Variants in EMG1 observed in about 807,000 individuals in gnomAD.
EMG1 encodes EMG1 N1-specific pseudouridine methyltransferase.
Under a neutral mutation model 26.9 loss-of-function variants are expected in EMG1, and 24 were observed. That is an observed-to-expected ratio of 0.89 (90% CI 0.65 to 1.26). EMG1 has a LOEUF of 1.26. Among genes scored for constraint, EMG1 ranks in the 50% most tolerant of loss-of-function variants. EMG1 has a pLI of 0.00. For missense variants in EMG1, 299 were observed against 307.6 expected, an observed-to-expected ratio of 0.97 and a Z score of 0.21; for synonymous variants, 140 against 112.6, an observed-to-expected ratio of 1.24 and a Z score of -1.54.
rs1230164348 is a variant in EMG1, at chr12:6,975,414, AG to A, written c.621+37del. The A allele has an allele frequency of 1.0e-5, 16 of 1,551,662 alleles. No homozygotes were observed. In the Admixed American group the frequency reaches 2.7e-4, roughly 26 times the overall value. ...GGCTCAACCCTGAAATTCTTGGTAG[AG>A]CTGAACTTAGTATAGAATTCCCAGA... On this transcript the variant is annotated intron_variant, in intron 5 of 5. Transcript: ENST00000599672.
rs1555153395 is a variant in EMG1 at position 6,977,381 on chromosome 12, C to T, written c.*1572C>T. The T allele has an allele frequency of 3.1e-6, 5 of 1,614,148 alleles. No homozygotes were observed. The highest frequency in any genetic ancestry group is 4.2e-6 in the Non-Finnish European group (5 of 1,180,038). On this transcript the variant is annotated 3_prime_UTR_variant, in exon 6 of 6. Transcript: ENST00000599672. The surrounding 1 kb of genome is among the most constrained non-coding windows in gnomAD (Gnocchi z 4.5). ...CCTTCACTTGCCTTAAGCCATTTGTCCCACGTGAAGAGGCAGAAGGCAGTC... is the reference window on the plus strand; with the variant it reads ...CCTTCACTTGCCTTAAGCCATTTGTTCCACGTGAAGAGGCAGAAGGCAGTC...
At chr12:6,996,296 G>A (rs2138348504) in intron 7 of EMG1, among the ~76,000 whole-genome samples, 1 of 152,268 alleles carries the variant, frequency 6.6e-6, no homozygotes, top group Non-Finnish European at 1.5e-5. Context: ...CAGGTCCTTT[G>A]TAAAATGTCA....
downstream of EMG1, chr12:6,980,760 C>T: frequency 2.9e-6 from 1 of 348,042 alleles, no homozygotes; most frequent in Non-Finnish European, 5.1e-6. Flanking sequence ...GTGACTGGTT[C>T]AGGCAAAATC....
chr12:6,995,023 T>C lies in EMG1; in HGVS notation c.*212-2202T>C, dbSNP rs118159162. On this transcript the variant is annotated intron_variant and NMD_transcript_variant, in intron 7 of 7. Transcript: ENST00000607161. ...ACTTCTTTTTCAGTTCCACATTTCC[T>C]ACTTCCTTGCTGGACAGTTTTAATT... 5.9e-5 allele frequency among the ~76,000 whole-genome samples: 9 copies of C among 152,332 alleles called. No individual in the cohort carries two copies. In the East Asian group the frequency reaches 1.7e-3, roughly 29 times the overall value.
At chr12:6,989,581 AGTCACCGTGCCCGG>A (rs1946568470), downstream of EMG1, among the ~76,000 whole-genome samples, 1 of 152,060 alleles carries the variant, frequency 6.6e-6, no homozygotes, top group African/African-American at 2.4e-5. Context: ...TACAAGCGTG[AGTCACCGTGCCCGG>A]CCAATGCTGT....
chr12:6,974,426 G>C lies in EMG1; in HGVS notation c.256G>C (p.Asp86His). Residue 86 changes from aspartate (D) to histidine (H), a missense_variant, in exon 2 of 6, where the codon GAT (aspartate) becomes CAT (histidine). Asp to His is a moderately conservative substitution (Grantham distance 81, BLOSUM62 -1). Coordinates refer to ENST00000599672, the MANE Select transcript of EMG1 (RefSeq NM_006331.8). ...NGRDPGEARP[D>H]ITHQSLLMLM... is the part of the protein sequence containing the mutation. ...ACGGGACCCTGGGGAAGCGCGGCCA[G>C]ATATCACCCACCAGGTAACTCCAGG... The C allele has an allele frequency of 6.2e-7, 1 of 1,613,674 alleles. No homozygotes were observed. Among genetic ancestry groups the C allele is most frequent in the Non-Finnish European group, 8.5e-7 (1 of 1,179,662 alleles).
Position 6,978,498 on chromosome 12 carries a change from A to G in EMG1, c.*2689A>G. ...TTGAAGCCCAGGCCCGTCAAAATGCATACTCCTTCCTGAGAGGGAATAGCT... is the reference window on the plus strand; with the variant it reads ...TTGAAGCCCAGGCCCGTCAAAATGCGTACTCCTTCCTGAGAGGGAATAGCT... On this transcript the variant is annotated 3_prime_UTR_variant, in exon 6 of 6. Coordinates refer to ENST00000599672, the MANE Select transcript of EMG1 (RefSeq NM_006331.8). 1 of 1,613,104 alleles carries G rather than the reference A, an allele frequency of 6.2e-7. No individual in the cohort carries two copies. Among genetic ancestry groups the G allele is most frequent in the Non-Finnish European group, 8.5e-7 (1 of 1,179,194 alleles).
chr12:6,975,363 CT>C lies in EMG1; in HGVS notation c.609del (p.Phe203LeufsTer55). On this transcript the variant is annotated frameshift_variant, in exon 5 of 6. Coordinates refer to ENST00000599672, the MANE Select transcript of EMG1 (RefSeq NM_006331.8). LOFTEE classifies it high-confidence loss of function. ...SDPIVFVVGA[F>X]AHGKVSVEYT... ...ATCCTATTGTTTTTGTGGTAGGGGCCTTTGCCCATGGCAAGGTAAGGTCTGG... is the reference window on the plus strand; with the variant it reads ...ATCCTATTGTTTTTGTGGTAGGGGCCTTGCCCATGGCAAGGTAAGGTCTGG... The C allele has an allele frequency of 6.2e-7, 1 of 1,601,244 alleles. No homozygotes were observed.
intron 1 of EMG1, among the ~76,000 whole-genome samples, chr12:6,972,259 C>T (rs1420199720): frequency 6.6e-6 from 1 of 152,108 alleles, no homozygotes; most frequent in Non-Finnish European, 1.5e-5. Flanking sequence ...TTATATCCTA[C>T]TAATGGGTTG....
In EMG1 at chr12:6,971,146, GAATGAGGGT is replaced by G; in HGVS notation, c.168+58_168+66del. On this transcript the variant is annotated intron_variant, in intron 1 of 5. Transcript: ENST00000599672. ...TAAATCGATAGGTTGGGACTCCGTG[GAATGAGGGT>G]AAGGGGCCCAGAGTGGATGTAGAAA... The G allele has an allele frequency of 5.5e-6, 8 of 1,465,376 alleles. No homozygotes were observed. The South Asian group carries it at 9.6e-5, about 18-fold the overall frequency. The allele number at this position is 1,465,376 out of a possible 1,614,324, so 90.8% of individuals were successfully genotyped here.
intron 1 of EMG1, among the ~76,000 whole-genome samples, chr12:6,972,965 G>C (rs782780131): frequency 1.3e-5 from 2 of 151,530 alleles, no homozygotes; most frequent in South Asian, 4.2e-4. Context: ...ATCCTCCTGA[G>C]TAACTGGGAC....
At chr12:6,980,267 T>C (rs1022207019), downstream of EMG1, among the ~76,000 whole-genome samples, 3 of 152,104 alleles carry the variant, frequency 2.0e-5, no homozygotes, top group African/African-American at 7.2e-5. Flanking sequence ...GGTCTTGAAC[T>C]CCTGGCCTCC....
At position 6,975,818 on chromosome 12, in the gene EMG1, G is replaced by A. The variant is rs1394569979; in HGVS notation, c.*9G>A. 2 of 1,522,040 alleles carry A rather than the reference G, an allele frequency of 1.3e-6. No homozygotes were observed. The highest frequency in any genetic ancestry group is 1.8e-6 in the Non-Finnish European group (2 of 1,096,206). The allele number at this position is 1,522,040 out of a possible 1,614,324, so 94.3% of individuals were successfully genotyped here. A position where few individuals can be genotyped will look rare whatever the true frequency, so the allele number is the denominator to read the frequency against. ...TATGGGGGGTCATTTGACAGTAGTA[G>A]AACCTGTTCTGAAACCAGAAACTGT... On this transcript the variant is annotated 3_prime_UTR_variant, in exon 6 of 6. Coordinates refer to ENST00000599672, the MANE Select transcript of EMG1 (RefSeq NM_006331.8).
chr12:6,974,662 C>G lies in EMG1; in HGVS notation c.381C>G (p.Pro127=). 1 of 1,613,986 alleles carries G rather than the reference C, an allele frequency of 6.2e-7. No individual in the cohort carries two copies. Among genetic ancestry groups the G allele is most frequent in the Non-Finnish European group, 8.5e-7 (1 of 1,179,882 alleles). ...AAGTGAATCCCCAGACCCGAATTCC[C>G]AGAACCTTTGACCGCTTTTGTGGCC... is the stretch of plus-strand genomic sequence containing the variant. ...LIEVNPQTRI[P]RTFDRFCGLM... The change falls in exon 3 of 6, where the codon CCC becomes CCG. Residue 127 remains proline, a synonymous_variant. Coordinates refer to ENST00000599672, the MANE Select transcript of EMG1 (RefSeq NM_006331.8).
intron 1 of EMG1, among the ~76,000 whole-genome samples, chr12:6,972,071 T>C (rs1946337454): frequency 6.7e-6 from 1 of 148,706 alleles, no homozygotes; most frequent in Non-Finnish European, 1.5e-5. Context: ...ATACACTTTT[T>C]TTTTTTTTTT....
In EMG1 at chr12:6,987,735, C is replaced by T. The variant is rs1946542763; in HGVS notation, c.*155-47C>T. 2 of 400,504 alleles carry T rather than the reference C, an allele frequency of 5.0e-6. No individual in the cohort carries two copies. Among genetic ancestry groups the T allele is most frequent in the East Asian group, 3.6e-5 (1 of 28,072 alleles). The allele number at this position is 400,504 out of a possible 1,614,324, so 24.8% of individuals were successfully genotyped here. A position where few individuals can be genotyped will look rare whatever the true frequency, so the allele number is the denominator to read the frequency against. ...ATGCTCGAAATTAAAAAACACCACA[C>T]ATATTACTCTGCCTCTTTAAGTTGA... On this transcript the variant is annotated intron_variant and NMD_transcript_variant, in intron 6 of 7. Transcript: ENST00000261406. This position sits in a 1 kb window ranked among gnomAD's most constrained non-coding sequence, Gnocchi z 4.1.
rs782269664 is a variant in EMG1 at position 6,979,625 on chromosome 12, A to T, written c.*3816A>T. On this transcript the variant is annotated 3_prime_UTR_variant, in exon 6 of 6. Coordinates refer to ENST00000599672, the MANE Select transcript of EMG1 (RefSeq NM_006331.8). ...TTCCTGGTCACAGAGAGCAGAGACT[A>T]TTCCCTTCACCCTCTGACCTTCAGT... is the stretch of plus-strand genomic sequence containing the variant. 7.5e-7 allele frequency: 1 copy of T among 1,331,772 alleles called. No individual in the cohort carries two copies. Among genetic ancestry groups the T allele is most frequent in the Non-Finnish European group, 1.1e-6 (1 of 923,938 alleles). 82.5% of individuals were successfully genotyped at this position (1,331,772 alleles called of 1,614,324 possible).
Position 6,979,756 on chromosome 12 carries a change from A to G in EMG1, c.*3947A>G. ...CAGGGAAAGATTTCTATGGCTGGCT[A>G]TGAGGAATGGGGACTGCAAACCTCT... On this transcript the variant is annotated 3_prime_UTR_variant, in exon 6 of 6. Coordinates refer to ENST00000599672, the MANE Select transcript of EMG1 (RefSeq NM_006331.8). The G allele has an allele frequency of 1.6e-6, 1 of 610,950 alleles. No individual in the cohort carries two copies. Among genetic ancestry groups the G allele is most frequent in the African/African-American group, 1.8e-5 (1 of 54,304 alleles). The allele number at this position is 610,950 out of a possible 1,614,324, so 37.8% of individuals were successfully genotyped here.
Position 6,975,683 on chromosome 12 carries a change from G to A in EMG1, c.622-13G>A. 1 of 1,565,572 alleles carries A rather than the reference G, an allele frequency of 6.4e-7. No homozygotes were observed. Among genetic ancestry groups the A allele is most frequent in the South Asian group, 1.1e-5 (1 of 90,122 alleles). On this transcript the variant is annotated splice_polypyrimidine_tract_variant and intron_variant, in intron 5 of 5. Coordinates refer to ENST00000599672, the MANE Select transcript of EMG1 (RefSeq NM_006331.8). ...AGTGACAGAGTTGGCTGACAAAACT[G>A]TTCTTTTCTTAGGTCAGTGTGGAGT...
Sources: allele counts gnomAD v4.1 joint callset (sites outside exome capture counted in the v4.1 genomes callset), GRCh38; gene constraint gnomAD v4.1.1; non-coding constraint Gnocchi (gnomAD v3.1); transcripts MANE v1.5; gene names NCBI Gene and HGNC (gene_info 2026-07-23, HGNC 2026-07-21).